DCAF1: variants seen among roughly 807,000 people sequenced by gnomAD.
DCAF1 encodes the protein DDB1 and CUL4 associated factor 1.
Under a neutral mutation model 128.0 loss-of-function variants are expected in DCAF1, and 15 were observed. The ratio of observed to expected loss-of-function variants is 0.12; its 90% confidence interval spans 0.08 to 0.18. The LOEUF (loss-of-function observed/expected upper bound fraction) is 0.18. Ranked by LOEUF, DCAF1 falls within the 10% of genes least tolerant of loss-of-function variation. The pLI is 1.00. For synonymous variants in DCAF1, 610 were observed against 603.0 expected (o/e 1.01, Z -0.17); for missense variants, 988 against 1,649.5 (o/e 0.60, Z 6.95).
chr3:51,503,656 A>G (rs559578938), upstream of DCAF1, among the ~76,000 whole-genome samples: 25 of 152,282 alleles, frequency 1.6e-4, no homozygotes, highest in African/African-American at 5.8e-4. Context: ...GGCTTTGGGA[A>G]CACCAGCCTG....
chr3:51,454,601 G>A (rs375021256), intron 6 of DCAF1, among the ~76,000 whole-genome samples: 64 of 152,018 alleles, frequency 4.2e-4, no homozygotes, highest in African/African-American at 1.4e-3. Flanking sequence ...GGCCTCAAGT[G>A]ATCTACCTGC....
At chr3:51,489,785 CA>C (rs1402813573) in intron 2 of DCAF1, among the ~76,000 whole-genome samples, 1,462 of 84,758 alleles carry the variant, frequency 0.017, 12 homozygotes, top group Middle Eastern at 0.042. Flanking sequence ...GACTCTGTCT[CA>C]AAAAAAAAAA....
chr3:51,460,752 T>C (rs2108016309), intron 6 of DCAF1, among the ~76,000 whole-genome samples: 1 of 152,172 alleles, frequency 6.6e-6, no homozygotes, highest in African/African-American at 2.4e-5. Context: ...TCAGAAATAA[T>C]GCCGCATATC....
Position 51,421,005 on chromosome 3 carries a change from G to A in DCAF1, c.1973-8C>T. On this transcript the variant is annotated splice_polypyrimidine_tract_variant and splice_region_variant and intron_variant, in intron 14 of 24. Transcript: ENST00000684031. ...CCAAAATAATGCTGATACCTAATGG[G>A]AAAAAAAATTATGTATTATTCACCA... is the stretch of plus-strand genomic sequence containing the variant. The A allele has an allele frequency of 1.3e-6, 2 of 1,589,728 alleles. No homozygotes were observed. Among genetic ancestry groups the A allele is most frequent in the Non-Finnish European group, 1.7e-6 (2 of 1,168,880 alleles).
intron 15 of DCAF1, 33 bp downstream of exon 15, chr3:51,419,701 A>G (rs1197677038): frequency 1.9e-6 from 3 of 1,557,488 alleles, no homozygotes; most frequent in Non-Finnish European, 2.6e-6. Context: ...AATCATTCCA[A>G]TTCCCAGGGA....
intron 24 of DCAF1, 143 bp from the exon 25 acceptor site, chr3:51,398,970 C>A: frequency 9.7e-7 from 1 of 1,033,266 alleles, no homozygotes; most frequent in East Asian, 2.6e-5. Flanking sequence ...CATCAATTAA[C>A]TCCTTGGAGC....
At chr3:51,504,270 C>T (rs55671465), upstream of DCAF1, among the ~76,000 whole-genome samples, 17,135 of 151,456 alleles carry the variant, frequency 0.11, 1,916 homozygotes, top group East Asian at 0.33. Context: ...TCTCCTGACC[C>T]CGTGATCCGC....
At chr3:51,402,890 T>C (rs1249449893) in intron 24 of DCAF1, among the ~76,000 whole-genome samples, 1 of 152,174 alleles carries the variant, frequency 6.6e-6, no homozygotes, top group African/African-American at 2.4e-5. Flanking sequence ...ATATTTACTG[T>C]CTGATCTTAC....
At chr3:51,460,511 A>C (rs1261020515) in intron 6 of DCAF1, among the ~76,000 whole-genome samples, 1 of 152,182 alleles carries the variant, frequency 6.6e-6, no homozygotes, top group Non-Finnish European at 1.5e-5. Flanking sequence ...ATTCAATGCC[A>C]TCCCCATCAA....
At chr3:51,436,346 A>G in intron 9 of DCAF1, 1 of 519,704 alleles carries the variant, frequency 1.9e-6, no homozygotes, top group Non-Finnish European at 3.9e-6. Context: ...AGAGTTCAGA[A>G]TGAATCAAGT....
intron 9 of DCAF1, among the ~76,000 whole-genome samples, chr3:51,439,406 G>A (rs976402999): frequency 1.7e-4 from 26 of 151,382 alleles, no homozygotes; most frequent in South Asian, 6.3e-4. Flanking sequence ...GGGATTACAG[G>A]CGTGAGCTAA....
Position 51,449,245 on chromosome 3 carries a change from T to C in DCAF1, c.376-5342A>G, listed in dbSNP as rs980859908. ...TTTTTGAGATGCAGTTTTGGTCTTG[T>C]TGCCCAGGCTGGAGTGCAATGGCAC... On this transcript the variant is annotated intron_variant, in intron 6 of 24. Transcript: ENST00000684031. Among the ~76,000 whole-genome samples the C allele has an allele frequency of 9.9e-5, 15 of 152,214 alleles. 1 individual carries two copies. The highest frequency in any genetic ancestry group is 1.5e-5 in the Non-Finnish European group (1 of 68,032).
chr3:51,397,771 C>T (rs2089304890), downstream of DCAF1: 1 of 167,064 alleles, frequency 6.0e-6, no homozygotes, highest in African/African-American at 2.4e-5. Flanking sequence ...GGTGTCTTCT[C>T]TATGGCCTGG....
intron 2 of DCAF1, among the ~76,000 whole-genome samples, chr3:51,492,776 C>A (rs1164072594): frequency 6.6e-6 from 1 of 151,672 alleles, no homozygotes. Flanking sequence ...AGGCGGATCG[C>A]GAGGTCAGGA....
At chr3:51,404,662 T>C (rs1484486783) in intron 23 of DCAF1, among the ~76,000 whole-genome samples, 1 of 152,252 alleles carries the variant, frequency 6.6e-6, no homozygotes, top group African/African-American at 2.4e-5. Flanking sequence ...CTGCCAGTTA[T>C]GTTGGAAAAA....
intron 23 of DCAF1, among the ~76,000 whole-genome samples, chr3:51,407,949 C>T (rs186447605): frequency 1.2e-4 from 16 of 137,836 alleles, no homozygotes; most frequent in Non-Finnish European, 2.0e-4. Context: ...CGCAACACTG[C>T]GCTCCAGCCT....
Position 51,398,284 on chromosome 3 carries a change from T to A in DCAF1, c.*485A>T, listed in dbSNP as rs538813636. On this transcript the variant is annotated 3_prime_UTR_variant, in exon 25 of 25. Transcript: ENST00000684031. Reference sequence around the variant, plus strand: ...AAATACGTATGTAAAAATGCCTCTATATTGTTCTTTAGACATCATTTTCTT... The same window carrying A: ...AAATACGTATGTAAAAATGCCTCTAAATTGTTCTTTAGACATCATTTTCTT... 1 of 152,388 alleles carries A rather than the reference T, an allele frequency of 6.6e-6. No individual in the cohort carries two copies. The highest frequency in any genetic ancestry group is 2.4e-5 in the African/African-American group (1 of 41,452). 9.4% of individuals were successfully genotyped at this position (152,388 alleles called of 1,614,324 possible). A position where few individuals can be genotyped will look rare whatever the true frequency, so the allele number is the denominator to read the frequency against.
chr3:51,428,915 C>G (rs1270464751), intron 12 of DCAF1, among the ~76,000 whole-genome samples: 1 of 152,054 alleles, frequency 6.6e-6, no homozygotes, highest in African/African-American at 2.4e-5. Context: ...GGGAGGATCA[C>G]CTGAACCTGG....
chr3:51,404,244 C>T (rs1170601862), intron 23 of DCAF1, among the ~76,000 whole-genome samples: 1 of 152,228 alleles, frequency 6.6e-6, no homozygotes, highest in Non-Finnish European at 1.5e-5. Flanking sequence ...GTAGCTGCCA[C>T]TCAAGACACT....
Sources: gnomAD v4.1 joint callset for allele counts (sites outside exome capture counted in the v4.1 genomes callset) on GRCh38, gnomAD v4.1.1 for gene constraint, MANE v1.5 for transcripts, NCBI Gene and HGNC (gene_info 2026-07-23, HGNC 2026-07-21) for gene names.